ZNRF1: variants seen among roughly 807,000 people sequenced by gnomAD.
ZNRF1 encodes the protein E3 ubiquitin-protein ligase ZNRF1.
ZNRF1 carries 3 observed loss-of-function variants against 18.4 expected under a neutral mutation model. The ratio of observed to expected loss-of-function variants is 0.16; its 90% confidence interval spans 0.07 to 0.42. The LOEUF (loss-of-function observed/expected upper bound fraction) is 0.42, where lower values mean the gene tolerates loss of function less well. Ranked by LOEUF, ZNRF1 falls within the 10% of genes least tolerant of loss-of-function variation. The probability of loss-of-function intolerance (pLI) is 0.99; values close to 1 mark genes in which losing one functional copy is unlikely to be tolerated. For synonymous variants in ZNRF1, 157 were observed against 144.2 expected, an observed-to-expected ratio of 1.09 and a Z score of -0.64; for missense variants, 310 against 329.8, an observed-to-expected ratio of 0.94 and a Z score of 0.47.
intron 1 of ZNRF1, among the ~76,000 whole-genome samples, chr16:75,046,453 T>C (rs1476257104): frequency 6.6e-6 from 1 of 151,978 alleles, no homozygotes; most frequent in Non-Finnish European, 1.5e-5. Context: ...GGTTTCACCA[T>C]GTTGCCCAGG....
At chr16:75,026,329 T>C (rs756971988) in intron 1 of ZNRF1, among the ~76,000 whole-genome samples, 5 of 152,090 alleles carry the variant, frequency 3.3e-5, no homozygotes, top group African/African-American at 4.8e-5. Context: ...AGTACTGGCA[T>C]AGAACCTGGA....
chr16:75,093,310 G>A lies in ZNRF1; in HGVS notation c.425-262G>A, dbSNP rs142612557. Among the ~76,000 whole-genome samples the A allele has an allele frequency of 8.1e-3, 1,224 of 152,004 alleles. 17 individuals are homozygous for A. The highest frequency in any genetic ancestry group is 0.029 in the South Asian group (139 of 4,816). ...TGAGGCAGGAGAATCGCTTGAACCC[G>A]GGATGCAGAGGTTGCAGTGAACTGA... On this transcript the variant is annotated intron_variant, in intron 1 of 4. Coordinates refer to ENST00000335325, the MANE Select transcript of ZNRF1 (RefSeq NM_032268.5).
chr16:75,028,864 C>A (rs1040010061), intron 1 of ZNRF1, among the ~76,000 whole-genome samples: 3 of 152,188 alleles, frequency 2.0e-5, no homozygotes, highest in African/African-American at 7.2e-5. Context: ...TTCTAGAATA[C>A]GATGCTCACT....
intron 1 of ZNRF1, among the ~76,000 whole-genome samples, chr16:75,089,762 A>C (rs550771071): frequency 4.6e-5 from 7 of 152,216 alleles, no homozygotes; most frequent in Non-Finnish European, 8.8e-5. Flanking sequence ...TTTTTCTAGG[A>C]CATGAATGTC....
Position 74,999,737 on chromosome 16 carries a change from C to T in ZNRF1, c.66C>T (p.Asp22=), listed in dbSNP as rs909608652. 1.4e-6 allele frequency: 2 copies of T among 1,391,006 alleles called. No homozygotes were observed. Among genetic ancestry groups the T allele is most frequent in the Admixed American group, 3.5e-5 (1 of 28,658 alleles). The allele number at this position is 1,391,006 out of a possible 1,614,324, so 86.2% of individuals were successfully genotyped here. ...RGPFPGVSTD[D]SAVPPPGGAP... ...CCTTCCCGGGGGTCTCCACCGATGA[C>T]AGCGCCGTGCCGCCGCCGGGAGGGG... is the stretch of plus-strand genomic sequence containing the variant. Residue 22 remains aspartate (D), a synonymous_variant, in exon 1 of 5, where the codon GAC becomes GAT. Coordinates refer to ENST00000335325, the MANE Select transcript of ZNRF1 (RefSeq NM_032268.5).
chr16:75,095,989 A>G (rs997234981), intron 2 of ZNRF1, among the ~76,000 whole-genome samples: 4 of 151,636 alleles, frequency 2.6e-5, no homozygotes, highest in Admixed American at 1.3e-4. Flanking sequence ...TTCTGGTTCT[A>G]GTTTTTCCCT....
intron 2 of ZNRF1, among the ~76,000 whole-genome samples, chr16:75,102,865 C>T (rs938461965): frequency 6.6e-6 from 1 of 152,200 alleles, no homozygotes; most frequent in Non-Finnish European, 1.5e-5. Flanking sequence ...GTCCCGCTGC[C>T]CTCATCCGCA....
chr16:75,081,262 C>T (rs1030059298), intron 1 of ZNRF1, among the ~76,000 whole-genome samples: 6 of 152,150 alleles, frequency 3.9e-5, no homozygotes, highest in African/African-American at 1.4e-4. Context: ...CAAGGCCAGT[C>T]CTGTTTTTCT....
intron 1 of ZNRF1, among the ~76,000 whole-genome samples, chr16:75,039,345 T>G (rs1401252360): frequency 1.3e-5 from 2 of 152,144 alleles, no homozygotes; most frequent in Non-Finnish European, 2.9e-5. Context: ...TTCCTGCAAA[T>G]TGCTTTATTT....
At chr16:75,075,665 CA>C (rs1369006332) in intron 1 of ZNRF1, among the ~76,000 whole-genome samples, 3 of 152,326 alleles carry the variant, frequency 2.0e-5, no homozygotes, top group Admixed American at 2.0e-4. Flanking sequence ...TCTAGGGCTA[CA>C]GCAGTAAAAT....
rs2036157129 is a variant in ZNRF1, at chr16:75,092,975, G to A, written c.425-597G>A. Among the ~76,000 whole-genome samples the A allele has an allele frequency of 2.6e-5, 4 of 152,166 alleles. No homozygotes were observed. In the South Asian group the frequency reaches 8.3e-4, roughly 32 times the overall value. On this transcript the variant is annotated intron_variant, in intron 1 of 4. Transcript: ENST00000335325. Reference sequence around the variant, plus strand: ...TGTCCACCAGACCCATCTGAGAAAGGGTCTAAAGAAGATAAAACTCAAGTC... The same window carrying A: ...TGTCCACCAGACCCATCTGAGAAAGAGTCTAAAGAAGATAAAACTCAAGTC...
intron 1 of ZNRF1, among the ~76,000 whole-genome samples, chr16:75,005,686 TAA>T (rs1206182766): frequency 6.6e-6 from 1 of 152,214 alleles, no homozygotes; most frequent in African/African-American, 2.4e-5. Context: ...ATACCTTTGA[TAA>T]AGTTTTATTT....
chr16:75,000,857 G>C (rs568576427), intron 1 of ZNRF1, among the ~76,000 whole-genome samples: 2 of 152,346 alleles, frequency 1.3e-5, no homozygotes, highest in East Asian at 3.9e-4. Flanking sequence ...CAGGGAGCCT[G>C]TCACGGTGGG....
At chr16:75,037,247 T>G (rs2035386868) in intron 1 of ZNRF1, among the ~76,000 whole-genome samples, 1 of 152,202 alleles carries the variant, frequency 6.6e-6, no homozygotes, top group South Asian at 2.1e-4. Flanking sequence ...CATCAGTAGA[T>G]AGGTGTGCAA....
At chr16:75,059,309 G>A (rs528008967) in intron 1 of ZNRF1, among the ~76,000 whole-genome samples, 2 of 122,064 alleles carry the variant, frequency 1.6e-5, no homozygotes, top group Admixed American at 1.0e-4. Flanking sequence ...GTGCAATGGC[G>A]CAATTTTGGC....
intron 1 of ZNRF1, among the ~76,000 whole-genome samples, chr16:75,083,995 T>A (rs931511205): frequency 6.6e-6 from 1 of 152,224 alleles, no homozygotes; most frequent in African/African-American, 2.4e-5. Context: ...CCCATGCTGC[T>A]GCATACAGTG....
At chr16:75,005,141 T>A (rs1233340637) in intron 1 of ZNRF1, among the ~76,000 whole-genome samples, 1 of 152,194 alleles carries the variant, frequency 6.6e-6, no homozygotes, top group Admixed American at 6.5e-5. Flanking sequence ...AAGCATTCTG[T>A]GGTCTCCAAA....
intron 2 of ZNRF1, among the ~76,000 whole-genome samples, chr16:75,098,172 G>A (rs1264882893): frequency 6.6e-6 from 1 of 152,258 alleles, no homozygotes; most frequent in African/African-American, 2.4e-5. Flanking sequence ...AGGGTGTCCA[G>A]CTGTTGCTGA....
intron 1 of ZNRF1, among the ~76,000 whole-genome samples, chr16:75,055,496 G>A (rs940040792): frequency 6.6e-6 from 1 of 152,212 alleles, no homozygotes; most frequent in Non-Finnish European, 1.5e-5. Context: ...CCCAGGAGTA[G>A]GTCGTGTTCT....
Sources: gnomAD v4.1 joint callset for allele counts (sites outside exome capture counted in the v4.1 genomes callset) on GRCh38, gnomAD v4.1.1 for gene constraint, MANE v1.5 for transcripts, NCBI Gene and HGNC (gene_info 2026-07-23, HGNC 2026-07-21) for gene names.